Variants in NCKAP1 observed in about 807,000 individuals in gnomAD.
NCKAP1 encodes NCK associated protein 1, also known as nck-associated protein 1.
NCKAP1 carries 21 observed loss-of-function variants against 151.2 expected under a neutral mutation model. The observed-to-expected ratio is 0.14, with a 90% CI of 0.10 to 0.20. The LOEUF (loss-of-function observed/expected upper bound fraction) is 0.20, where lower values mean the gene tolerates loss of function less well. Among genes scored for constraint, NCKAP1 ranks in the 10% least tolerant of loss-of-function variants. The pLI, the probability that NCKAP1 is intolerant of heterozygous loss-of-function variation, is 1.00. For missense variants in NCKAP1, 933 were observed against 1,352.1 expected (o/e 0.69, Z 4.86); for synonymous variants, 484 against 451.8 (o/e 1.07, Z -0.90).
chr2:182,992,223 T>G (rs907001992), intron 8 of NCKAP1, among the ~76,000 whole-genome samples: 6 of 152,182 alleles, frequency 3.9e-5, no homozygotes, highest in Non-Finnish European at 7.3e-5. Context: ...TGGGTAGTAG[T>G]TCCAAAAAGA....
rs1297351682 is a variant in NCKAP1, at chr2:182,967,255, A to C, written c.1589T>G (p.Val530Gly). 1 of 1,611,876 alleles carries C rather than the reference A, an allele frequency of 6.2e-7. No homozygotes were observed. Among genetic ancestry groups the C allele is most frequent in the Non-Finnish European group, 8.5e-7 (1 of 1,179,260 alleles). ...ATCTGATGTTTCCACCAACATTTCC[A>C]CCAAGGAATCTACCATTTTTGTATG... Reference protein sequence around the residue: ...IFHTKMVDSLVEMLVETSDLS... With the variant: ...IFHTKMVDSLGEMLVETSDLS... The change falls in exon 16 of 31, where the codon GTG becomes GGG. Residue 530 changes from valine (V) to glycine (G), a missense_variant. Physicochemically the swap from Val to Gly is moderately radical, Grantham distance 109 (BLOSUM62 -3). Around this residue, in one of 2 missense-constraint regions of NCKAP1, gnomAD observed 607 missense variants for 795.0 expected, o/e 0.76. Coordinates refer to ENST00000361354, the MANE Select transcript of NCKAP1 (RefSeq NM_013436.5).
chr2:183,003,359 G>A (rs1698408577), intron 2 of NCKAP1, 34 bp from the exon 3 acceptor site: 2 of 1,223,668 alleles, frequency 1.6e-6, no homozygotes, highest in Non-Finnish European at 2.4e-6. Context: ...ATTGCTCATA[G>A]AGAACAAAAG....
chr2:182,935,774 AC>A (rs1320412398), intron 24 of NCKAP1, among the ~76,000 whole-genome samples: 3 of 152,146 alleles, frequency 2.0e-5, no homozygotes, highest in South Asian at 2.1e-4. Context: ...ATCAGAGTGA[AC>A]AGGAGTTAAA....
At chr2:182,942,263 A>C (rs1398847136) in intron 23 of NCKAP1, 100 bp from the exon 24 acceptor site, 4 of 826,694 alleles carry the variant, frequency 4.8e-6, no homozygotes, top group African/African-American at 1.7e-5. Context: ...AGGAAACACA[A>C]TTCATGAAAT....
intron 26 of NCKAP1, among the ~76,000 whole-genome samples, chr2:182,931,538 A>T (rs986965758): frequency 6.6e-6 from 1 of 152,144 alleles, no homozygotes; most frequent in Admixed American, 6.5e-5. Flanking sequence ...TAAATCATAA[A>T]CCTAAATGTA....
chr2:182,966,828 A>T (rs564302591), intron 16 of NCKAP1, among the ~76,000 whole-genome samples: 1 of 152,356 alleles, frequency 6.6e-6, no homozygotes, highest in East Asian at 1.9e-4. Context: ...TTAATTTTAC[A>T]TCATAGAAGT....
At chr2:182,939,050 G>A (rs1696941204) in intron 24 of NCKAP1, among the ~76,000 whole-genome samples, 1 of 152,196 alleles carries the variant, frequency 6.6e-6, no homozygotes, top group Admixed American at 6.5e-5. Flanking sequence ...GATGATGGCA[G>A]AAAGGTATGT....
rs187033441 is a variant in NCKAP1, at chr2:182,965,564, C to T, written c.1629-756G>A. Among the ~76,000 whole-genome samples, 6 of 151,986 alleles carry T rather than the reference C, an allele frequency of 3.9e-5. No individual in the cohort carries two copies. The East Asian group carries it at 1.2e-3, about 29-fold the overall frequency. ...TAAAAGAATGTGAGTCAATAAAACA[C>T]TACATATCTTAGAGTAATAAGACAA... On this transcript the variant is annotated intron_variant, in intron 16 of 30. Coordinates refer to ENST00000361354, the MANE Select transcript of NCKAP1 (RefSeq NM_013436.5).
intron 18 of NCKAP1, among the ~76,000 whole-genome samples, chr2:182,959,156 G>A (rs988077572): frequency 2.6e-5 from 4 of 152,158 alleles, no homozygotes; most frequent in Non-Finnish European, 5.9e-5. Flanking sequence ...TAAAGCCATG[G>A]GATTGGTATT....
intron 2 of NCKAP1, among the ~76,000 whole-genome samples, chr2:183,006,510 C>T (rs1442335376): frequency 6.6e-6 from 1 of 152,194 alleles, no homozygotes; most frequent in Non-Finnish European, 1.5e-5. Context: ...TTTTACAGGT[C>T]TCTCACACAA....
rs141846108 is a variant in NCKAP1 at position 183,001,974 on chromosome 2, T to C, written c.582A>G (p.Glu194=). ...TTACCTTGCTATGGGGTACAAATTC[T>C]TCCATCATCTTCTTTAAAGGGTTTT... is the stretch of plus-strand genomic sequence containing the variant. ...DYENPLKKMM[E]EFVPHSKSLS... The change falls in exon 6 of 31, where the codon GAA becomes GAG. Residue 194 remains glutamate (E), a synonymous_variant. Coordinates refer to ENST00000361354, the MANE Select transcript of NCKAP1 (RefSeq NM_013436.5). The C allele has an allele frequency of 1.1e-4, 173 of 1,613,782 alleles. 1 individual carries two copies. In the African/African-American group the frequency reaches 2.1e-3, roughly 20 times the overall value.
chr2:182,974,075 C>T (rs115198087), intron 15 of NCKAP1, among the ~76,000 whole-genome samples: 144 of 152,102 alleles, frequency 9.5e-4, no homozygotes, highest in Middle Eastern at 6.8e-3. Flanking sequence ...CTGTATCCTA[C>T]AGTCTAATCT....
chr2:183,016,102 A>G (rs541177619), intron 2 of NCKAP1, among the ~76,000 whole-genome samples: 1 of 152,304 alleles, frequency 6.6e-6, no homozygotes, highest in South Asian at 2.1e-4. Context: ...TAACCTGTAG[A>G]AATTCTAAAA....
intron 15 of NCKAP1, among the ~76,000 whole-genome samples, chr2:182,975,233 T>C (rs1697781656): frequency 6.6e-6 from 1 of 152,206 alleles, no homozygotes; most frequent in African/African-American, 2.4e-5. Context: ...TAAAACTTTA[T>C]TTGTAATAAG....
chr2:182,971,135 C>CTT (rs1452216135), intron 15 of NCKAP1, among the ~76,000 whole-genome samples: 4 of 152,068 alleles, frequency 2.6e-5, no homozygotes, highest in African/African-American at 9.7e-5. Flanking sequence ...TGGCTCACGC[C>CTT]TGTAATCCCA....
rs1325916901 is a variant in NCKAP1, at chr2:182,914,681, T to C, written c.*11021A>G. On this transcript the variant is annotated 3_prime_UTR_variant, in exon 31 of 31. Coordinates refer to ENST00000361354, the MANE Select transcript of NCKAP1 (RefSeq NM_013436.5). ...GACATGAGGGGTTCTATTACTAATT[T>C]GAAGAGTAAAAAGAGTAAAAAGGAA... is the stretch of plus-strand genomic sequence containing the variant. The C allele has an allele frequency of 6.6e-6, 1 of 152,124 alleles. No homozygotes were observed. Among genetic ancestry groups the C allele is most frequent in the Non-Finnish European group, 1.5e-5 (1 of 68,022 alleles). The allele number at this position is 152,124 out of a possible 1,614,324, so 9.4% of individuals were successfully genotyped here.
chr2:183,037,711 G>C (rs912784302), intron 1 of NCKAP1, among the ~76,000 whole-genome samples: 3 of 152,166 alleles, frequency 2.0e-5, no homozygotes, highest in African/African-American at 7.2e-5. Context: ...CCGGCTCCCA[G>C]CGGCGCCCCC....
At chr2:182,953,035 AT>A in intron 21 of NCKAP1, 77 bp downstream of exon 21, 1 of 1,483,750 alleles carries the variant, frequency 6.7e-7, no homozygotes, top group Non-Finnish European at 9.1e-7. Flanking sequence ...ATAAGTACTT[AT>A]TCACAAAAAA....
At chr2:182,966,405 G>A (rs1251215936) in intron 16 of NCKAP1, among the ~76,000 whole-genome samples, 2 of 151,666 alleles carry the variant, frequency 1.3e-5, no homozygotes. Flanking sequence ...CCTGCTTCAA[G>A]CCTCCCAAGT....
Sources: gnomAD v4.1 joint callset for allele counts (sites outside exome capture counted in the v4.1 genomes callset) on GRCh38, gnomAD v4.1.1 for gene constraint, gnomAD v4.1.1 regional missense constraint, MANE v1.5 for transcripts, NCBI Gene and HGNC (gene_info 2026-07-23, HGNC 2026-07-21) for gene names.